The following NRXN1 variants were observed in gnomAD, a reference collection of about 807,000 sequenced individuals.
NRXN1 encodes neurexin 1.
A neutral mutation model predicts 150.9 loss-of-function variants in NRXN1; 39 were observed. The observed-to-expected ratio is 0.26, with a 90% CI of 0.20 to 0.34. The LOEUF (loss-of-function observed/expected upper bound fraction) is 0.34, where lower values mean the gene tolerates loss of function less well. NRXN1 is among the 10% of genes least tolerant of loss of function. The pLI is 1.00. For synonymous variants in NRXN1, 924 were observed against 757.0 expected, an observed-to-expected ratio of 1.22 and a Z score of -3.62; for missense variants, 1,815 against 1,949.9, an observed-to-expected ratio of 0.93 and a Z score of 1.30.
intron 8 of NRXN1, among the ~76,000 whole-genome samples, chr2:50,575,310 A>G (rs1045226453): frequency 7.9e-5 from 12 of 152,164 alleles, no homozygotes; most frequent in African/African-American, 2.4e-4. Context: ...TTGCTGTGCA[A>G]TCAGCCCTGA....
At chr2:50,062,072 G>A (rs1446579292) in intron 19 of NRXN1, among the ~76,000 whole-genome samples, 1 of 152,140 alleles carries the variant, frequency 6.6e-6, no homozygotes, top group Admixed American at 6.5e-5. Flanking sequence ...GTTTCCTGGG[G>A]TGAAGAATTC....
intron 5 of NRXN1, among the ~76,000 whole-genome samples, chr2:50,653,345 T>C (rs1183564332): frequency 6.6e-6 from 1 of 152,090 alleles, no homozygotes; most frequent in Non-Finnish European, 1.5e-5. Context: ...ACAACCTGAT[T>C]GGCTGCAGTC....
intron 5 of NRXN1, among the ~76,000 whole-genome samples, chr2:50,836,738 G>T (rs1672160360): frequency 6.6e-6 from 1 of 151,384 alleles, no homozygotes; most frequent in African/African-American, 2.4e-5. Flanking sequence ...CACCCAGGTT[G>T]CTTCCATGTA....
At chr2:50,052,132 C>G (rs1692811906) in intron 21 of NRXN1, among the ~76,000 whole-genome samples, 1 of 152,050 alleles carries the variant, frequency 6.6e-6, no homozygotes, top group African/African-American at 2.4e-5. Flanking sequence ...GGTGCTGATA[C>G]AAACAGAATT....
intron 17 of NRXN1, among the ~76,000 whole-genome samples, chr2:50,255,921 G>A (rs1402918608): frequency 6.6e-6 from 1 of 152,080 alleles, no homozygotes; most frequent in Non-Finnish European, 1.5e-5. Flanking sequence ...ATCAAAGAAT[G>A]ACATGACTTT....
intron 10 of NRXN1, among the ~76,000 whole-genome samples, chr2:50,534,470 C>T (rs1233431453): frequency 1.3e-5 from 2 of 152,042 alleles, no homozygotes; most frequent in South Asian, 2.1e-4. Flanking sequence ...TCCCAGTGGT[C>T]AAAGACCAGT....
chr2:50,402,253 A>T (rs1449892110), intron 17 of NRXN1, among the ~76,000 whole-genome samples: 5 of 152,066 alleles, frequency 3.3e-5, no homozygotes, highest in African/African-American at 4.8e-5. Flanking sequence ...TACATCCATT[A>T]ATTTTATAAG....
chr2:50,080,091 T>A (rs1697723200), intron 19 of NRXN1, among the ~76,000 whole-genome samples: 1 of 152,096 alleles, frequency 6.6e-6, no homozygotes, highest in Non-Finnish European at 1.5e-5. Flanking sequence ...ATCATCCCGT[T>A]TTCTAGTGTA....
chr2:50,840,202 A>G (rs1436082381), intron 5 of NRXN1, among the ~76,000 whole-genome samples: 1 of 152,138 alleles, frequency 6.6e-6, no homozygotes, highest in African/African-American at 2.4e-5. Context: ...ATGAGTTTTT[A>G]AAAAGGTATA....
At chr2:50,302,377 T>A (rs370104781) in intron 17 of NRXN1, among the ~76,000 whole-genome samples, 1 of 152,174 alleles carries the variant, frequency 6.6e-6, no homozygotes, top group African/African-American at 2.4e-5. Context: ...AATGAATAAT[T>A]TAATCAATTA....
At chr2:50,656,024 C>T (rs1208890794) in intron 5 of NRXN1, among the ~76,000 whole-genome samples, 1 of 151,942 alleles carries the variant, frequency 6.6e-6, no homozygotes, top group Non-Finnish European at 1.5e-5. Context: ...AAAATCATTA[C>T]AAATCTGTCA....
At chr2:50,280,449 G>C (rs1368560784) in intron 17 of NRXN1, among the ~76,000 whole-genome samples, 1 of 152,080 alleles carries the variant, frequency 6.6e-6, no homozygotes, top group East Asian at 1.9e-4. Flanking sequence ...CCCCCATATA[G>C]CCATGTGGCA....
chr2:50,134,806 A>G (rs1706133785), intron 18 of NRXN1, among the ~76,000 whole-genome samples: 1 of 152,192 alleles, frequency 6.6e-6, no homozygotes, highest in African/African-American at 2.4e-5. Flanking sequence ...TTGTGATACC[A>G]TCATTGATGA....
chr2:50,850,723 T>C (rs1024426448), intron 5 of NRXN1, among the ~76,000 whole-genome samples: 18 of 146,812 alleles, frequency 1.2e-4, no homozygotes, highest in African/African-American at 4.4e-4. Flanking sequence ...AAAAAATCAA[T>C]ATCAAAGATT....
intron 13 of NRXN1, among the ~76,000 whole-genome samples, chr2:50,504,611 T>C (rs969085643): frequency 1.3e-5 from 2 of 152,216 alleles, no homozygotes; most frequent in African/African-American, 4.8e-5. Flanking sequence ...TTTGTTTTCA[T>C]CCTGCTACAT....
chr2:50,038,886 A>C (rs865999131), intron 21 of NRXN1, among the ~76,000 whole-genome samples: 18 of 151,638 alleles, frequency 1.2e-4, no homozygotes, highest in African/African-American at 4.1e-4. Context: ...CTTTCTTTTA[A>C]AAGCAAAGAA....
intron 21 of NRXN1, among the ~76,000 whole-genome samples, chr2:49,984,410 G>A (rs762016181): frequency 1.3e-5 from 2 of 152,028 alleles, no homozygotes; most frequent in African/African-American, 4.8e-5. Flanking sequence ...AAACTAAACA[G>A]GTGTTTTAAA....
At chr2:50,588,858 T>C (rs956091200) in intron 8 of NRXN1, 9 of 152,118 alleles carry the variant, frequency 5.9e-5, no homozygotes, top group East Asian at 3.9e-4. Flanking sequence ...ATAATTATAG[T>C]AGCGGAGGTG....
intron 18 of NRXN1, among the ~76,000 whole-genome samples, chr2:50,147,133 G>T (rs1393282812): frequency 6.6e-6 from 1 of 151,654 alleles, no homozygotes; most frequent in East Asian, 1.9e-4. Context: ...TCACATCTGG[G>T]ATCATCAGGA....
Sources: allele counts gnomAD v4.1 joint callset (sites outside exome capture counted in the v4.1 genomes callset), GRCh38; gene constraint gnomAD v4.1.1; transcripts MANE v1.5; gene names NCBI Gene and HGNC (gene_info 2026-07-23, HGNC 2026-07-21).